Variants in SYNE2 observed in about 807,000 individuals in gnomAD.
SYNE2 encodes spectrin repeat containing nuclear envelope protein 2, also known as nesprin-2.
In SYNE2, 431 loss-of-function variants were observed where a neutral mutation model predicts 856.3. The observed-to-expected ratio is 0.50, with a 90% CI of 0.47 to 0.55. The LOEUF is 0.55. Ranked by LOEUF, SYNE2 falls within the 20% of genes least tolerant of loss-of-function variation. The probability of loss-of-function intolerance (pLI) is 0.00; values close to 1 mark genes in which losing one functional copy is unlikely to be tolerated. For synonymous variants in SYNE2, 2,923 were observed against 2,872.3 expected (o/e 1.02, Z -0.56); for missense variants, 8,129 against 8,023.2 (o/e 1.01, Z -0.50).
At chr14:63,762,151 GC>G in intron 1 of SYNE2, 1 of 353,962 alleles carries the variant, frequency 2.8e-6, no homozygotes, top group Non-Finnish European at 5.9e-6. Context: ...AGTTAAAGTG[GC>G]CAGGCGCGGT....
At chr14:64,218,135 GA>G (rs2098675700) in intron 108 of SYNE2, 7 of 432,076 alleles carry the variant, frequency 1.6e-5, no homozygotes, top group South Asian at 1.1e-4. Context: ...CATGCCAATT[GA>G]AACAGACCCT....
At chr14:63,950,909 C>T (rs750211076) in intron 7 of SYNE2, among the ~76,000 whole-genome samples, 6 of 152,038 alleles carry the variant, frequency 3.9e-5, no homozygotes, top group Admixed American at 6.5e-5. Flanking sequence ...CACCTGCCTC[C>T]GTCTTCGAAA....
At chr14:63,915,659 A>G (rs991442118) in intron 2 of SYNE2, among the ~76,000 whole-genome samples, 6 of 152,152 alleles carry the variant, frequency 3.9e-5, no homozygotes, top group Non-Finnish European at 8.8e-5. Context: ...TTACTGTGTC[A>G]TTTCAAACAA....
intron 1 of SYNE2, among the ~76,000 whole-genome samples, chr14:63,787,625 C>G (rs1044845479): frequency 6.6e-6 from 1 of 152,170 alleles, no homozygotes; most frequent in African/African-American, 2.4e-5. Flanking sequence ...CCAGGTTGTC[C>G]CAGCAGGCCC....
intron 19 of SYNE2, among the ~76,000 whole-genome samples, chr14:63,989,236 T>C (rs1053291541): frequency 2.0e-5 from 3 of 152,258 alleles, no homozygotes; most frequent in Non-Finnish European, 4.4e-5. Flanking sequence ...TTTGTTTATT[T>C]TATTTTGCAT....
At chr14:63,768,935 A>G (rs976410982) in intron 1 of SYNE2, among the ~76,000 whole-genome samples, 1 of 151,718 alleles carries the variant, frequency 6.6e-6, no homozygotes, top group African/African-American at 2.4e-5. Flanking sequence ...TGCAATGAGG[A>G]TTTAGGAGGT....
Position 64,029,926 on chromosome 14 carries a change from G to T in SYNE2, c.6746G>T (p.Arg2249Leu). 6.2e-7 allele frequency: 1 copy of T among 1,613,914 alleles called. No individual in the cohort carries two copies. Among genetic ancestry groups the T allele is most frequent in the Non-Finnish European group, 8.5e-7 (1 of 1,179,928 alleles). ...DSVQNLDGHV[R>L]EHDSYQVCVT... ...GTGCAAAACTTGGACGGTCACGTTC[G>T]AGAACATGATTCATACCAGGTTTGC... Residue 2249 changes from arginine to leucine, a missense_variant, in exon 44 of 116, where the codon CGA (arginine) becomes CTA (leucine). Coordinates refer to ENST00000555002, the MANE Select transcript of SYNE2 (RefSeq NM_182914.3).
At chr14:63,969,772 T>A (rs1345398326) in intron 11 of SYNE2, among the ~76,000 whole-genome samples, 1 of 152,180 alleles carries the variant, frequency 6.6e-6, no homozygotes, top group Non-Finnish European at 1.5e-5. Context: ...TGGTTGATAA[T>A]TTTCACATAT....
intron 36 of SYNE2, 88 bp downstream of exon 36, chr14:64,021,603 G>GA (rs1040480327): frequency 6.6e-4 from 973 of 1,481,662 alleles, no homozygotes; most frequent in Middle Eastern, 1.6e-3. Flanking sequence ...AATAAAAATA[G>GA]AAAAAAAAAG....
rs770058729 is a variant in SYNE2 at position 64,225,514 on chromosome 14, A to AC, written c.20718dup (p.Thr6907HisfsTer15). The AC allele has an allele frequency of 9.3e-6, 15 of 1,613,742 alleles. No individual in the cohort carries two copies. The highest frequency in any genetic ancestry group is 1.3e-5 in the Non-Finnish European group (15 of 1,179,956). On this transcript the variant is annotated frameshift_variant, in exon 116 of 116. Transcript: ENST00000555002. LOFTEE classifies it high-confidence loss of function. ...CCATGCTGAGGTACACCAATGGGCC[A>AC]CCCCCCACATAGAGGGCATAGCTGG...
At chr14:63,811,814 G>A (rs1026187799) in intron 1 of SYNE2, among the ~76,000 whole-genome samples, 7 of 152,112 alleles carry the variant, frequency 4.6e-5, no homozygotes, top group African/African-American at 1.7e-4. Flanking sequence ...ATTTTAAAAG[G>A]GGAGGGGTTG....
chr14:63,853,038 AGC>A lies in SYNE2; in HGVS notation c.-155_-154del, dbSNP rs1258427538. 3.3e-5 allele frequency: 5 copies of A among 151,654 alleles called. No individual in the cohort carries two copies. Among genetic ancestry groups the A allele is most frequent in the African/African-American group, 1.2e-4 (5 of 41,362 alleles). 9.4% of individuals were successfully genotyped at this position (151,654 alleles called of 1,614,324 possible). A position where few individuals can be genotyped will look rare whatever the true frequency, so the allele number is the denominator to read the frequency against. On this transcript the variant is annotated 5_prime_UTR_variant, in exon 1 of 116. Coordinates refer to ENST00000555002, the MANE Select transcript of SYNE2 (RefSeq NM_182914.3). ...CAGAGCCTTCGGCCGGACCTGAAAA[AGC>A]GAGAGGGAGAGCGAGCAAAAGGCGC...
In SYNE2 at chr14:64,003,330, G is replaced by T. The variant is rs1064797188; in HGVS notation, c.4397G>T (p.Arg1466Leu). ...KDPTVPAVKH[R>L]KKSLIRLDKV... Reference sequence around the variant, plus strand: ...CCTACTGTTCCAGCTGTGAAACATCGGTAAGTATTGTCCATCCATTTCCAT... The same window carrying T: ...CCTACTGTTCCAGCTGTGAAACATCTGTAAGTATTGTCCATCCATTTCCAT... Residue 1466 changes from arginine (R) to leucine (L), a missense_variant and splice_region_variant, in exon 30 of 116, where the codon CGG (arginine) becomes CTG (leucine). Transcript: ENST00000555002. 5 of 1,613,948 alleles carry T rather than the reference G, an allele frequency of 3.1e-6. No homozygotes were observed. Among genetic ancestry groups the T allele is most frequent in the Non-Finnish European group, 4.2e-6 (5 of 1,179,992 alleles).
intron 84 of SYNE2, among the ~76,000 whole-genome samples, chr14:64,150,700 T>C (rs1453702044): frequency 2.6e-5 from 4 of 152,246 alleles, no homozygotes; most frequent in Non-Finnish European, 5.9e-5. Flanking sequence ...TAGGAGAGAC[T>C]GTTTTATAAA....
At chr14:63,774,245 G>C (rs961515942) in intron 1 of SYNE2, among the ~76,000 whole-genome samples, 2 of 152,024 alleles carry the variant, frequency 1.3e-5, no homozygotes, top group Non-Finnish European at 2.9e-5. Context: ...GAGGCGGGCA[G>C]ATCACCTGAG....
At chr14:63,989,946 G>A (rs1033525487) in intron 19 of SYNE2, among the ~76,000 whole-genome samples, 3 of 152,174 alleles carry the variant, frequency 2.0e-5, no homozygotes, top group African/African-American at 7.2e-5. Flanking sequence ...CACTGTGCCT[G>A]GCCGCAGCTT....
At chr14:63,767,710 C>G (rs1169691726) in intron 1 of SYNE2, among the ~76,000 whole-genome samples, 1 of 152,126 alleles carries the variant, frequency 6.6e-6, no homozygotes, top group Non-Finnish European at 1.5e-5. Flanking sequence ...TGCCTGCATT[C>G]TAAATTGCCT....
chr14:63,804,558 A>ATC (rs768207055), intron 1 of SYNE2, among the ~76,000 whole-genome samples: 1 of 151,888 alleles, frequency 6.6e-6, no homozygotes. Context: ...CAATGGCGCG[A>ATC]TCTTGGCTCA....
rs1039161636 is a variant in SYNE2 at position 64,121,007 on chromosome 14, C to G, written c.13104C>G (p.Ser4368=). The change falls in exon 68 of 116, where the codon TCC becomes TCG. Residue 4368 remains serine (S), a synonymous_variant. Transcript: ENST00000555002. The stretch of plus-strand genomic sequence containing the variant: ...CAGTTAACCTTTCTGAATTGGAATC[C>G]ATTGTAACTGAAAGGCCACAATTCA... ...LQPVNLSELE[S]IVTERPQFSR... 6.2e-7 allele frequency: 1 copy of G among 1,614,064 alleles called. No homozygotes were observed. Among genetic ancestry groups the G allele is most frequent in the African/African-American group, 1.3e-5 (1 of 74,944 alleles).
Sources: gnomAD v4.1 joint callset for allele counts (sites outside exome capture counted in the v4.1 genomes callset) on GRCh38, gnomAD v4.1.1 for gene constraint, MANE v1.5 for transcripts, NCBI Gene and HGNC (gene_info 2026-07-23, HGNC 2026-07-21) for gene names.